UACA: variants seen among roughly 807,000 people sequenced by gnomAD.
UACA encodes the protein uveal autoantigen with coiled-coil domains and ankyrin repeats.
UACA carries 112 observed loss-of-function variants against 160.5 expected under a neutral mutation model. That is an observed-to-expected ratio of 0.70 (90% CI 0.60 to 0.82). The LOEUF (loss-of-function observed/expected upper bound fraction) is 0.82. Ranked by LOEUF, UACA falls within the 40% of genes least tolerant of loss-of-function variation. The pLI is 0.00. For synonymous variants in UACA, 557 were observed against 568.4 expected (o/e 0.98, Z 0.29); for missense variants, 1,574 against 1,614.6 (o/e 0.97, Z 0.43).
At chr15:70,766,369 G>C (rs2031008630), upstream of UACA, among the ~76,000 whole-genome samples, 1 of 151,972 alleles carries the variant, frequency 6.6e-6, no homozygotes, top group African/African-American at 2.4e-5. Context: ...TCAGAGCAAA[G>C]GGCACTTATC....
intron 13 of UACA, among the ~76,000 whole-genome samples, chr15:70,672,526 G>A (rs1378449531): frequency 6.6e-6 from 1 of 152,198 alleles, no homozygotes; most frequent in Non-Finnish European, 1.5e-5. Flanking sequence ...CCTACACATA[G>A]TAATAAATCC....
At chr15:70,769,937 C>T in the UACA span, among the ~76,000 whole-genome samples, 1 of 152,150 alleles carries the variant, frequency 6.6e-6, no homozygotes, top group African/African-American at 2.4e-5. Flanking sequence ...GCAGAGGTTG[C>T]CATGAGCAGA....
chr15:70,750,470 C>T (rs1205806037), intron 1 of UACA, among the ~76,000 whole-genome samples: 1 of 152,186 alleles, frequency 6.6e-6, no homozygotes, highest in Non-Finnish European at 1.5e-5. Context: ...CAGCTCTGAG[C>T]TCCGTGATAT....
chr15:70,747,118 A>G (rs1247753411), intron 1 of UACA, among the ~76,000 whole-genome samples: 3 of 152,106 alleles, frequency 2.0e-5, no homozygotes, highest in Non-Finnish European at 2.9e-5. Flanking sequence ...CCCAGAACTT[A>G]AAGTATAATT....
intron 1 of UACA, among the ~76,000 whole-genome samples, chr15:70,718,026 T>TATAC (rs2140985072): frequency 8.0e-6 from 1 of 124,874 alleles, no homozygotes; most frequent in Admixed American, 7.4e-5. Context: ...TAAATTTCTT[T>TATAC]ATACACACAC....
At chr15:70,735,584 G>C (rs952830220) in intron 1 of UACA, among the ~76,000 whole-genome samples, 3 of 151,980 alleles carry the variant, frequency 2.0e-5, no homozygotes, top group African/African-American at 4.8e-5. Flanking sequence ...TACATATTTT[G>C]ACATCTTGGC....
chr15:70,679,097 C>T (rs1352174096), intron 10 of UACA, among the ~76,000 whole-genome samples: 2 of 152,138 alleles, frequency 1.3e-5, no homozygotes, highest in African/African-American at 4.8e-5. Flanking sequence ...TAACAAAAGT[C>T]AATTCTTAAA....
At chr15:70,711,940 G>A (rs1420960975) in intron 1 of UACA, among the ~76,000 whole-genome samples, 1 of 151,766 alleles carries the variant, frequency 6.6e-6, no homozygotes, top group Non-Finnish European at 1.5e-5. Flanking sequence ...ACAACGTATG[G>A]CCTTTTATGG....
chr15:70,683,326 T>G (rs1897581713), intron 8 of UACA, among the ~76,000 whole-genome samples: 3 of 151,754 alleles, frequency 2.0e-5, no homozygotes, highest in South Asian at 4.2e-4. Context: ...ACCACTATAC[T>G]CTAGCCTGGG....
At chr15:70,727,574 T>C (rs980760276) in intron 1 of UACA, among the ~76,000 whole-genome samples, 3 of 152,212 alleles carry the variant, frequency 2.0e-5, no homozygotes, top group African/African-American at 7.2e-5. Context: ...ATAAATTATA[T>C]AAAATGCCTC....
At chr15:70,661,559 C>T (rs962252423) in intron 17 of UACA, 1 of 152,046 alleles carries the variant, frequency 6.6e-6, no homozygotes, top group African/African-American at 2.4e-5. Context: ...AACAAAAAAC[C>T]TTTCTTCTAT....
intron 7 of UACA, among the ~76,000 whole-genome samples, chr15:70,684,932 G>A (rs1296142771): frequency 2.0e-5 from 3 of 151,830 alleles, no homozygotes; most frequent in Admixed American, 6.6e-5. Flanking sequence ...TGTCCTACAC[G>A]TAAATAATCA....
chr15:70,756,805 G>A (rs1053516866), intron 1 of UACA, among the ~76,000 whole-genome samples: 5 of 152,154 alleles, frequency 3.3e-5, no homozygotes, highest in African/African-American at 4.8e-5. Context: ...CCCGGGAGGC[G>A]GAGGTTGCAG....
At chr15:70,700,635 C>G (rs963228075) in intron 1 of UACA, among the ~76,000 whole-genome samples, 5 of 151,928 alleles carry the variant, frequency 3.3e-5, no homozygotes, top group Non-Finnish European at 7.4e-5. Flanking sequence ...TTACCTCTAA[C>G]TTTAGAGAAA....
chr15:70,704,711 C>T (rs1412467489), intron 1 of UACA, among the ~76,000 whole-genome samples: 1 of 152,120 alleles, frequency 6.6e-6, no homozygotes, highest in Non-Finnish European at 1.5e-5. Context: ...GATGTTTATG[C>T]CCAAAAATGG....
intron 1 of UACA, among the ~76,000 whole-genome samples, chr15:70,718,132 AAAAGGGAT>A (rs1330959171): frequency 3.3e-5 from 5 of 151,504 alleles, no homozygotes; most frequent in Non-Finnish European, 7.4e-5. Flanking sequence ...CTTACATTTA[AAAAGGGAT>A]ATACTCTGAT....
At chr15:70,686,972 A>T (rs1422543517) in intron 7 of UACA, among the ~76,000 whole-genome samples, 2 of 152,192 alleles carry the variant, frequency 1.3e-5, no homozygotes, top group African/African-American at 4.8e-5. Flanking sequence ...CAACTAAAAT[A>T]GTATCAAATA....
chr15:70,744,054 C>A (rs992387352), intron 1 of UACA, among the ~76,000 whole-genome samples: 2 of 151,910 alleles, frequency 1.3e-5, no homozygotes, highest in African/African-American at 4.8e-5. Context: ...ACCATCCTGG[C>A]TAACACGGTG....
intron 1 of UACA, among the ~76,000 whole-genome samples, chr15:70,756,343 TAG>T (rs2030428777): frequency 6.6e-6 from 1 of 151,860 alleles, no homozygotes; most frequent in Non-Finnish European, 1.5e-5. Context: ...GTACTTTTAG[TAG>T]AGACAAGGTT....
Sources: gnomAD v4.1 joint callset for allele counts (sites outside exome capture counted in the v4.1 genomes callset) on GRCh38, gnomAD v4.1.1 for gene constraint, MANE v1.5 for transcripts, NCBI Gene and HGNC (gene_info 2026-07-23, HGNC 2026-07-21) for gene names.